The following STAG3 variants were observed in gnomAD, a reference collection of about 807,000 sequenced individuals.
The protein encoded by STAG3 is cohesin subunit SA-3.
Under a neutral mutation model 160.7 loss-of-function variants are expected in STAG3, and 101 were observed. The ratio of observed to expected loss-of-function variants is 0.63; its 90% CI spans 0.54 to 0.74. The LOEUF (loss-of-function observed/expected upper bound fraction) is 0.74. Ranked by LOEUF, STAG3 falls within the 30% of genes least tolerant of loss-of-function variation. STAG3 has a pLI of 0.00. For synonymous variants in STAG3, 519 were observed against 585.0 expected (o/e 0.89, Z 1.63); for missense variants, 1,188 against 1,517.4 (o/e 0.78, Z 3.61).
chr7:100,197,457 A>G (rs1255449650), intron 10 of STAG3, 178 bp downstream of exon 10: 7 of 879,908 alleles, frequency 8.0e-6, no homozygotes, highest in Non-Finnish European at 1.3e-5. Context: ...AGGTAGAGAG[A>G]GACATACCCA....
intron 25 of STAG3, 79 bp downstream of exon 25, chr7:100,202,669 C>T: frequency 6.5e-7 from 1 of 1,532,604 alleles, no homozygotes; most frequent in East Asian, 2.3e-5. Context: ...AATAGCACTA[C>T]AGGTGGGGGA....
intron 1 of STAG3, 136 bp from the exon 2 acceptor site, chr7:100,180,357 G>A: frequency 1.9e-6 from 1 of 517,304 alleles, no homozygotes; most frequent in Non-Finnish European, 3.5e-6. Flanking sequence ...ACGGTGCCCA[G>A]CCTTTGTCTT....
At chr7:100,198,364 G>T in intron 12 of STAG3, 111 bp from the exon 13 acceptor site, 1 of 1,314,752 alleles carries the variant, frequency 7.6e-7, no homozygotes, top group East Asian at 2.3e-5. Flanking sequence ...TCATTTAGAA[G>T]TTTTTTGTGA....
chr7:100,182,020 A>G (rs769664471), intron 2 of STAG3, 70 bp from the exon 3 acceptor site: 6 of 1,145,618 alleles, frequency 5.2e-6, no homozygotes, highest in South Asian at 1.3e-5. Context: ...CAGAGAAACC[A>G]TAATTAATTA....
rs773306374 is a variant in STAG3 at position 100,180,696 on chromosome 7, G to T, written c.116+24G>T. 5.8e-5 allele frequency: 81 copies of T among 1,393,090 alleles called. 1 individual carries two copies. Among genetic ancestry groups the T allele is most frequent in the Non-Finnish European group, 8.3e-5 (81 of 977,682 alleles). The allele number at this position is 1,393,090 out of a possible 1,614,324, so 86.3% of individuals were successfully genotyped here. A position where few individuals can be genotyped will look rare whatever the true frequency, so the allele number is the denominator to read the frequency against. On this transcript the variant is annotated intron_variant, in intron 2 of 33. Coordinates refer to ENST00000615138, the MANE Select transcript of STAG3 (RefSeq NM_001282717.2). ...GGGTAAGTAGATGTTGCATTGTGTGGCCACTTCCTGTGTCCCTGGCAGCCT... is the reference window on the plus strand; with the variant it reads ...GGGTAAGTAGATGTTGCATTGTGTGTCCACTTCCTGTGTCCCTGGCAGCCT...
At chr7:100,179,241 G>T (rs1395025615) in intron 1 of STAG3, among the ~76,000 whole-genome samples, 2 of 149,430 alleles carry the variant, frequency 1.3e-5, no homozygotes, top group Non-Finnish European at 3.0e-5. Context: ...AGCTGCCCTG[G>T]TGTGTACCTT....
chr7:100,205,281 C>T lies in STAG3; in HGVS notation c.3135C>T (p.Pro1045=), dbSNP rs765766312. The T allele has an allele frequency of 3.7e-6, 6 of 1,614,188 alleles. No individual in the cohort carries two copies. The highest frequency in any genetic ancestry group is 2.2e-5 in the East Asian group (1 of 44,886). ...ATGTCTCCCAGGCACCTGGCCATCC[C>T]TGGGGCCCAGTCACCACCTACTGCC... The part of the protein sequence containing the change: ...LQHVSQAPGH[P]WGPVTTYCHS... Residue 1045 remains proline (P), a synonymous_variant, in exon 29 of 34, where the codon CCC becomes CCT. Transcript: ENST00000615138.
chr7:100,209,179 T>G (rs910882469), intron 29 of STAG3, among the ~76,000 whole-genome samples: 1 of 152,242 alleles, frequency 6.6e-6, no homozygotes, highest in African/African-American at 2.4e-5. Context: ...AGCTGAAGTT[T>G]CCTGCTCCTA....
At position 100,199,569 on chromosome 7, in the gene STAG3, G is replaced by GA; in HGVS notation, c.1603dup (p.Ile535AsnfsTer30). Reference sequence around the variant, plus strand: ...TGGGTGATGTGCAGGAGAGCACACTGATAGAAATCCTTGTGTCCAGTGCCC... The same window carrying GA: ...TGGGTGATGTGCAGGAGAGCACACTGAATAGAAATCCTTGTGTCCAGTGCCC... On this transcript the variant is annotated frameshift_variant, in exon 16 of 34. Transcript: ENST00000615138. LOFTEE classifies it high-confidence loss of function. 1.2e-6 allele frequency: 2 copies of GA among 1,604,536 alleles called. No individual in the cohort carries two copies. The highest frequency in any genetic ancestry group is 1.7e-6 in the Non-Finnish European group (2 of 1,175,672).
intron 33 of STAG3, 84 bp downstream of exon 33, chr7:100,213,890 G>T (rs1034377733): frequency 5.6e-6 from 9 of 1,612,986 alleles, no homozygotes; most frequent in African/African-American, 2.7e-5. Flanking sequence ...ACAGGCCATA[G>T]CCTGGGGGTG....
chr7:100,182,262 G>A, intron 3 of STAG3, 70 bp downstream of exon 3: 2 of 1,212,760 alleles, frequency 1.6e-6, no homozygotes, highest in Non-Finnish European at 2.4e-6. Context: ...GGGAGGCTGA[G>A]GCAGGAGAAT....
At chr7:100,212,592 A>G (rs1802337584) in intron 32 of STAG3, 1 of 152,196 alleles carries the variant, frequency 6.6e-6, no homozygotes. Context: ...AGTAGCTGGG[A>G]TTACAGGCAC....
chr7:100,208,518 A>G (rs1291202962), intron 29 of STAG3, among the ~76,000 whole-genome samples: 1 of 152,236 alleles, frequency 6.6e-6, no homozygotes, highest in Non-Finnish European at 1.5e-5. Context: ...TGGAGCTTAA[A>G]AAATAAGTAA....
At position 100,189,606 on chromosome 7, in the gene STAG3, G is replaced by A; in HGVS notation, c.867+10G>A. ...GGAGAAACGCAAAGAGGTGAGGAGT[G>A]TTCCCTGCTTCTTCCTTCCCTTTTT... On this transcript the variant is annotated intron_variant, in intron 8 of 33. Transcript: ENST00000615138. 4 of 1,605,750 alleles carry A rather than the reference G, an allele frequency of 2.5e-6. No individual in the cohort carries two copies. The highest frequency in any genetic ancestry group is 3.4e-6 in the Non-Finnish European group (4 of 1,177,278).
chr7:100,201,456 A>G (rs1007063725), intron 21 of STAG3, 105 bp downstream of exon 21: 125 of 996,654 alleles, frequency 1.3e-4, no homozygotes, highest in Admixed American at 8.1e-4. Context: ...CGTGGAGTGG[A>G]CAAAGCGAGG....
intron 29 of STAG3, among the ~76,000 whole-genome samples, chr7:100,205,897 CCCT>C (rs1735197249): frequency 6.6e-6 from 1 of 151,924 alleles, no homozygotes; most frequent in African/African-American, 2.4e-5. Context: ...ATTCAGAGTA[CCCT>C]CCTCAACATC....
At chr7:100,211,224 G>A (rs1284020680) in intron 30 of STAG3, 39 bp downstream of exon 30, 1 of 1,535,368 alleles carries the variant, frequency 6.5e-7, no homozygotes, top group East Asian at 2.3e-5. Context: ...TGAGTTCCCA[G>A]TTTGGTGTCT....
At chr7:100,199,482 T>C (rs1309685368) in intron 15 of STAG3, 59 bp from the exon 16 acceptor site, 3 of 1,562,116 alleles carry the variant, frequency 1.9e-6, no homozygotes, top group African/African-American at 2.7e-5. Flanking sequence ...TGGGGGGAGC[T>C]TGGAGTTGGA....
intron 25 of STAG3, 38 bp downstream of exon 25, chr7:100,202,628 C>A: frequency 6.3e-7 from 1 of 1,595,446 alleles, no homozygotes. Context: ...GAGAAGGGAG[C>A]AAGTTGAGCA....
Sources: gnomAD v4.1 joint callset for allele counts (sites outside exome capture counted in the v4.1 genomes callset) on GRCh38, gnomAD v4.1.1 for gene constraint, MANE v1.5 for transcripts, NCBI Gene and HGNC (gene_info 2026-07-23, HGNC 2026-07-21) for gene names.